The following PDE6H variants were observed in gnomAD, a reference collection of about 807,000 sequenced individuals.
The protein encoded by PDE6H is phosphodiesterase 6H, also known as retinal cone rhodopsin-sensitive cGMP 3',5'-cyclic phosphodiesterase subunit gamma.
A neutral mutation model predicts 9.2 loss-of-function variants in PDE6H; 11 were observed. The observed-to-expected ratio is 1.19, with a 90% CI of 0.75 to 1.97. PDE6H has a LOEUF of 1.97. Ranked by LOEUF, PDE6H falls within the 30% of genes most tolerant of loss-of-function variation. PDE6H has a pLI of 0.00. For missense variants in PDE6H, 98 were observed against 101.5 expected (o/e 0.97, Z 0.15); for synonymous variants, 36 against 33.6 (o/e 1.07, Z -0.25).
chr12:14,979,704 G>A (rs1167111480), intron 3 of PDE6H, among the ~76,000 whole-genome samples: 1 of 152,138 alleles, frequency 6.6e-6, no homozygotes, highest in Non-Finnish European at 1.5e-5. Context: ...AGCACCCAGA[G>A]GAGGATCTTA....
At chr12:14,975,739 C>T (rs546420188) in intron 1 of PDE6H, among the ~76,000 whole-genome samples, 52 of 152,106 alleles carry the variant, frequency 3.4e-4, no homozygotes, top group African/African-American at 9.9e-4. Context: ...AATGACTTCT[C>T]TGTGCTCTGA....
chr12:14,980,089 A>G (rs761411266), intron 3 of PDE6H, among the ~76,000 whole-genome samples: 5 of 152,120 alleles, frequency 3.3e-5, no homozygotes. Flanking sequence ...CAGTACATAT[A>G]GTATCATACA....
At chr12:14,975,698 C>A (rs1565471395) in intron 1 of PDE6H, among the ~76,000 whole-genome samples, 1 of 152,058 alleles carries the variant, frequency 6.6e-6, no homozygotes, top group Admixed American at 6.5e-5. Flanking sequence ...AGCAGAGGAA[C>A]TGGCAGTGCA....
At chr12:14,975,687 G>T (rs1026190533) in intron 1 of PDE6H, among the ~76,000 whole-genome samples, 2 of 152,134 alleles carry the variant, frequency 1.3e-5, no homozygotes, top group African/African-American at 4.8e-5. Context: ...TGAATTTAGT[G>T]AGCAGAGGAA....
chr12:14,981,520 T>A lies in PDE6H; in HGVS notation c.*44T>A, dbSNP rs1267112678. The A allele has an allele frequency of 7.3e-7, 1 of 1,367,052 alleles. No homozygotes were observed. The highest frequency in any genetic ancestry group is 2.3e-5 in the East Asian group (1 of 43,712). The allele number at this position is 1,367,052 out of a possible 1,614,324, so 84.7% of individuals were successfully genotyped here. Reference sequence around the variant, plus strand: ...ACTCTCAATGACATCTGCTGTAATTTTGGTTGCTTTTGCCCTGTTGATCTG... The same window carrying A: ...ACTCTCAATGACATCTGCTGTAATTATGGTTGCTTTTGCCCTGTTGATCTG... On this transcript the variant is annotated 3_prime_UTR_variant, in exon 4 of 4. Transcript: ENST00000266395.
intron 3 of PDE6H, among the ~76,000 whole-genome samples, chr12:14,980,293 T>C (rs1321354526): frequency 3.9e-5 from 6 of 152,208 alleles, no homozygotes; most frequent in African/African-American, 1.4e-4. Flanking sequence ...TTTCTCCATG[T>C]TTTTATGTGG....
intron 1 of PDE6H, among the ~76,000 whole-genome samples, chr12:14,973,798 T>C (rs1864552964): frequency 2.0e-5 from 3 of 152,124 alleles, no homozygotes; most frequent in African/African-American, 7.2e-5. Context: ...TGTCTATAGC[T>C]TTGCTGAGAA....
At chr12:14,974,034 G>A (rs1864557454) in intron 1 of PDE6H, among the ~76,000 whole-genome samples, 1 of 152,168 alleles carries the variant, frequency 6.6e-6, no homozygotes, top group African/African-American at 2.4e-5. Flanking sequence ...TTACTTTGCT[G>A]CATCCACTTA....
intron 1 of PDE6H, 43 bp from the exon 2 acceptor site, chr12:14,977,929 A>G: frequency 7.3e-7 from 1 of 1,367,288 alleles, no homozygotes; most frequent in Non-Finnish European, 1.0e-6. Context: ...AATGGTCCCC[A>G]TGACTTGAAA....
chr12:14,976,692 C>T (rs906310084), intron 1 of PDE6H, among the ~76,000 whole-genome samples: 3 of 151,824 alleles, frequency 2.0e-5, no homozygotes, highest in Non-Finnish European at 4.4e-5. Flanking sequence ...AAGAACTTGT[C>T]TCTCTTAAAA....
Position 14,981,526 on chromosome 12 carries a change from GC to G in PDE6H, c.*51del. On this transcript the variant is annotated 3_prime_UTR_variant, in exon 4 of 4. Coordinates refer to ENST00000266395, the MANE Select transcript of PDE6H (RefSeq NM_006205.3). The stretch of plus-strand genomic sequence containing the variant: ...AATGACATCTGCTGTAATTTTGGTT[GC>G]TTTTGCCCTGTTGATCTGCCGGAGT... 7.6e-7 allele frequency: 1 copy of G among 1,309,528 alleles called. No homozygotes were observed. The highest frequency in any genetic ancestry group is 1.2e-5 in the South Asian group (1 of 84,912). 81.1% of individuals were successfully genotyped at this position (1,309,528 alleles called of 1,614,324 possible).
In PDE6H at chr12:14,981,665, T is replaced by G. The variant is rs1206015452; in HGVS notation, c.*189T>G. ...ATCTCTCTTGCAGTACAGCTCAAAA[T>G]AGTGGATGCATTTCAAACTTGACCA... On this transcript the variant is annotated 3_prime_UTR_variant, in exon 4 of 4. Coordinates refer to ENST00000266395, the MANE Select transcript of PDE6H (RefSeq NM_006205.3). 1 of 633,398 alleles carries G rather than the reference T, an allele frequency of 1.6e-6. No individual in the cohort carries two copies. The highest frequency in any genetic ancestry group is 2.7e-5 in the East Asian group (1 of 36,478). The allele number at this position is 633,398 out of a possible 1,614,324, so 39.2% of individuals were successfully genotyped here. A position where few individuals can be genotyped will look rare whatever the true frequency, so the allele number is the denominator to read the frequency against.
chr12:14,980,563 A>G (rs1378658203), intron 3 of PDE6H, among the ~76,000 whole-genome samples: 4 of 152,144 alleles, frequency 2.6e-5, no homozygotes, highest in African/African-American at 9.7e-5. Context: ...GCAAATACCA[A>G]TCCTGGGATC....
intron 1 of PDE6H, among the ~76,000 whole-genome samples, chr12:14,974,464 A>G (rs1483537047): frequency 6.6e-6 from 1 of 152,216 alleles, no homozygotes; most frequent in African/African-American, 2.4e-5. Flanking sequence ...TAACCTGGCA[A>G]CTGTTATGTA....
chr12:14,976,076 T>A (rs1484930408), intron 1 of PDE6H, among the ~76,000 whole-genome samples: 1 of 152,176 alleles, frequency 6.6e-6, no homozygotes, highest in Non-Finnish European at 1.5e-5. Context: ...CGCCTCGGCC[T>A]CCCAAAGTGC....
At chr12:14,980,110 G>C (rs1260415569) in intron 3 of PDE6H, among the ~76,000 whole-genome samples, 1 of 152,032 alleles carries the variant, frequency 6.6e-6, no homozygotes, top group Admixed American at 6.6e-5. Flanking sequence ...GAATAGTTTC[G>C]CTGCCCTATG....
chr12:14,980,882 A>G (rs1864672009), intron 3 of PDE6H, among the ~76,000 whole-genome samples: 1 of 152,234 alleles, frequency 6.6e-6, no homozygotes, highest in South Asian at 2.1e-4. Context: ...TAAAACAAGA[A>G]GCTGGATTAA....
chr12:14,975,066 G>A (rs549797645), intron 1 of PDE6H, among the ~76,000 whole-genome samples: 1 of 152,304 alleles, frequency 6.6e-6, no homozygotes, highest in African/African-American at 2.4e-5. Flanking sequence ...AGCCAGTTCT[G>A]TGGAGTAGGA....
chr12:14,981,218 T>C (rs111339339), intron 3 of PDE6H, among the ~76,000 whole-genome samples, 182 bp from the exon 4 acceptor site: 1,830 of 152,330 alleles, frequency 0.012, 39 homozygotes, highest in African/African-American at 0.041. Context: ...AGATGCCTGG[T>C]GCAACAATTA....
Sources: gnomAD v4.1 joint callset for allele counts (sites outside exome capture counted in the v4.1 genomes callset) on GRCh38, gnomAD v4.1.1 for gene constraint, MANE v1.5 for transcripts, NCBI Gene and HGNC (gene_info 2026-07-23, HGNC 2026-07-21) for gene names.